Variants in ZSWIM8 observed in about 807,000 individuals in gnomAD.
ZSWIM8 encodes the protein zinc finger SWIM domain-containing protein 8.
Under a neutral mutation model 173.7 loss-of-function variants are expected in ZSWIM8, and 27 were observed. That is an observed-to-expected ratio of 0.16 (90% confidence interval 0.11 to 0.21). The LOEUF (loss-of-function observed/expected upper bound fraction) is 0.21. Among genes scored for constraint, ZSWIM8 ranks in the 10% least tolerant of loss-of-function variants. The probability of loss-of-function intolerance (pLI) is 1.00; values close to 1 mark genes in which losing one functional copy is unlikely to be tolerated. For missense variants in ZSWIM8, 1,627 were observed against 2,428.8 expected (o/e 0.67, Z 6.94); for synonymous variants, 958 against 962.0 (o/e 1.00, Z 0.08).
intron 10 of ZSWIM8, 96 bp from the exon 11 acceptor site, chr10:73,793,492 C>G (rs1007872566): frequency 1.2e-4 from 172 of 1,403,348 alleles, no homozygotes; most frequent in Non-Finnish European, 1.6e-4. Context: ...TGGCATGTAG[C>G]AAGTGTTCAA....
chr10:73,789,312 G>A lies in ZSWIM8; in HGVS notation c.458-55G>A. Reference sequence around the variant, plus strand: ...GAATAACTGCAGGGCCAGGGTCAAGGGCAGAGACCCAGGTCCTGACAGCAC... The same window carrying A: ...GAATAACTGCAGGGCCAGGGTCAAGAGCAGAGACCCAGGTCCTGACAGCAC... On this transcript the variant is annotated intron_variant, in intron 3 of 25. Transcript: ENST00000604729. This position sits in a 1 kb window ranked among gnomAD's most constrained non-coding sequence, Gnocchi z 6.8. 6.4e-7 allele frequency: 1 copy of A among 1,568,894 alleles called. No individual in the cohort carries two copies. The highest frequency in any genetic ancestry group is 8.7e-7 in the Non-Finnish European group (1 of 1,155,256).
chr10:73,790,331 G>A (rs2083373060), intron 7 of ZSWIM8, 39 bp downstream of exon 7: 1 of 1,559,628 alleles, frequency 6.4e-7, no homozygotes, highest in Non-Finnish European at 8.7e-7. Flanking sequence ...TGTGGTGGAG[G>A]GGGAGCGTCC....
In ZSWIM8 at chr10:73,801,228, C is replaced by G. The variant is rs185143919; in HGVS notation, c.5301+33C>G. On this transcript the variant is annotated intron_variant, in intron 25 of 25. Transcript: ENST00000604729. This position sits in a 1 kb window ranked among gnomAD's most constrained non-coding sequence, Gnocchi z 4.9. ...CCTAGAATTATGGAGCAGGGTGGAGCACTTCCTGGGTGGTCTTGGACCAGA... is the reference window on the plus strand; with the variant it reads ...CCTAGAATTATGGAGCAGGGTGGAGGACTTCCTGGGTGGTCTTGGACCAGA... 181 of 1,601,212 alleles carry G rather than the reference C, an allele frequency of 1.1e-4. 3 individuals are homozygous for G. In the East Asian group the frequency reaches 3.6e-3, roughly 32 times the overall value.
At position 73,796,607 on chromosome 10, in the gene ZSWIM8, T is replaced by C. The variant is rs2132758690; in HGVS notation, c.3034-167T>C. The stretch of plus-strand genomic sequence containing the variant: ...CAAGATATGTTGGGGTTAAATAAGT[T>C]ACAAAAAGACATGTAAACCAGGAGG... On this transcript the variant is annotated intron_variant, in intron 15 of 25. Transcript: ENST00000604729. 3 of 895,356 alleles carry C rather than the reference T, an allele frequency of 3.4e-6. No individual in the cohort carries two copies. The East Asian group carries it at 8.0e-5, about 24-fold the overall frequency. The allele number at this position is 895,356 out of a possible 1,614,324, so 55.5% of individuals were successfully genotyped here.
At position 73,799,908 on chromosome 10, in the gene ZSWIM8, A is replaced by G. The variant is rs948575796; in HGVS notation, c.4666-103A>G. The G allele has an allele frequency of 1.3e-5, 16 of 1,250,686 alleles. No individual in the cohort carries two copies. In the Middle Eastern group the frequency reaches 5.8e-4, roughly 45 times the overall value. 77.5% of individuals were successfully genotyped at this position (1,250,686 alleles called of 1,614,324 possible). ...AGCCTGGAGGACAGAGCGAGACTCT[A>G]TCTCAAAAAAAACATGTCAGGATAG... On this transcript the variant is annotated intron_variant, in intron 21 of 25. Transcript: ENST00000604729.
chr10:73,800,211 C>G lies in ZSWIM8; in HGVS notation c.4825+41C>G, dbSNP rs1326902282. On this transcript the variant is annotated intron_variant, in intron 22 of 25. Transcript: ENST00000604729. This position sits in a 1 kb window ranked among gnomAD's most constrained non-coding sequence, Gnocchi z 4.1. The stretch of plus-strand genomic sequence containing the variant: ...AGGGAACAGGTGAATGGAGGGGAGG[C>G]ACACTGGGCAGGGGAGGTGGGGAGG... 2 of 1,612,570 alleles carry G rather than the reference C, an allele frequency of 1.2e-6. No individual in the cohort carries two copies. The highest frequency in any genetic ancestry group is 2.7e-5 in the African/African-American group (2 of 74,902).
intron 15 of ZSWIM8, among the ~76,000 whole-genome samples, chr10:73,796,143 G>T (rs943571900): frequency 2.6e-5 from 4 of 151,744 alleles, no homozygotes; most frequent in African/African-American, 7.3e-5. Flanking sequence ...CGGGAGGATC[G>T]TTTGAGACCA....
Position 73,797,991 on chromosome 10 carries a change from T to C in ZSWIM8, c.3873T>C (p.Leu1291=). ...ACCTTTGCGCCTTCGAGATTGGGCT[T>C]TATGCCCTTGGCCTGCACAACTTTG... The part of the protein sequence containing the change: ...NLHLCAFEIG[L]YALGLHNFVS... The change falls in exon 19 of 26, where the codon CTT becomes CTC. Residue 1291 remains leucine (L), a synonymous_variant. Coordinates refer to ENST00000604729, the MANE Select transcript of ZSWIM8 (RefSeq NM_001367799.1). The surrounding 1 kb of genome is among the most constrained non-coding windows in gnomAD (Gnocchi z 5.6). The C allele has an allele frequency of 1.2e-6, 2 of 1,614,062 alleles. No individual in the cohort carries two copies. The highest frequency in any genetic ancestry group is 1.7e-6 in the Non-Finnish European group (2 of 1,179,892).
Position 73,797,035 on chromosome 10 carries a change from AG to A in ZSWIM8, c.3274+27del. The A allele has an allele frequency of 6.2e-7, 1 of 1,609,660 alleles. No individual in the cohort carries two copies. Among genetic ancestry groups the A allele is most frequent in the Non-Finnish European group, 8.5e-7 (1 of 1,176,922 alleles). ...GCCTGGTGAGGTGGGGGCACTGGGC[AG>A]GGGGGATGAATGGTGTGGACCTATG... On this transcript the variant is annotated intron_variant, in intron 16 of 25. Coordinates refer to ENST00000604729, the MANE Select transcript of ZSWIM8 (RefSeq NM_001367799.1). This position sits in a 1 kb window ranked among gnomAD's most constrained non-coding sequence, Gnocchi z 5.6.
Position 73,785,746 on chromosome 10 carries a change from G to C in ZSWIM8, c.-133G>C. 1 of 937,668 alleles carries C rather than the reference G, an allele frequency of 1.1e-6. No individual in the cohort carries two copies. Among genetic ancestry groups the C allele is most frequent in the Non-Finnish European group, 1.6e-6 (1 of 615,968 alleles). The allele number at this position is 937,668 out of a possible 1,614,324, so 58.1% of individuals were successfully genotyped here. On this transcript the variant is annotated 5_prime_UTR_variant, in exon 1 of 26. Coordinates refer to ENST00000604729, the MANE Select transcript of ZSWIM8 (RefSeq NM_001367799.1). ...CAGGCCTGAGATTCTCGCCCGGCAC[G>C]GCCGCCCTGAGCGCCCCGGCCACCC...
At chr10:73,787,850 C>T (rs1006864910) in intron 1 of ZSWIM8, among the ~76,000 whole-genome samples, 1 of 151,970 alleles carries the variant, frequency 6.6e-6, no homozygotes, top group Non-Finnish European at 1.5e-5. Flanking sequence ...GAGACTTCAT[C>T]TCAAAATAAA....
At chr10:73,798,904 G>A in intron 20 of ZSWIM8, 98 bp from the exon 21 acceptor site, 1 of 1,478,394 alleles carries the variant, frequency 6.8e-7, no homozygotes, top group Non-Finnish European at 9.1e-7. Flanking sequence ...GATTCCCTGG[G>A]AATGAGACAG....
In ZSWIM8 at chr10:73,793,882, A is replaced by G. The variant is rs759635261; in HGVS notation, c.2463A>G (p.Val821=). The G allele has an allele frequency of 2.5e-5, 41 of 1,609,958 alleles. No homozygotes were observed. The highest frequency in any genetic ancestry group is 1.7e-5 in the Admixed American group (1 of 59,432). Residue 821 remains valine, a synonymous_variant, in exon 12 of 26, where the codon GTA becomes GTG. Transcript: ENST00000604729. ...CTTTCTAGGGCAAGAAGAACAAGGT[A>G]TCCACGAGCCGTCAGACCTGGGTGG... is the stretch of plus-strand genomic sequence containing the variant. ...PPPAKGKKNK[V]STSRQTWVAT...
Position 73,789,236 on chromosome 10 carries a change from C to T in ZSWIM8, c.457+46C>T. 1 of 1,610,976 alleles carries T rather than the reference C, an allele frequency of 6.2e-7. No homozygotes were observed. Among genetic ancestry groups the T allele is most frequent in the Admixed American group, 1.7e-5 (1 of 59,962 alleles). On this transcript the variant is annotated intron_variant, in intron 3 of 25. Transcript: ENST00000604729. This position sits in a 1 kb window ranked among gnomAD's most constrained non-coding sequence, Gnocchi z 6.8. The stretch of plus-strand genomic sequence containing the variant: ...TGTGGCACATCCTGCTCCTCCCATC[C>T]CCTGGCTTATGAAGTAAGAACACAC...
At position 73,791,620 on chromosome 10, in the gene ZSWIM8, C is replaced by T. The variant is rs1481649706; in HGVS notation, c.1319+121C>T. On this transcript the variant is annotated intron_variant, in intron 9 of 25. Coordinates refer to ENST00000604729, the MANE Select transcript of ZSWIM8 (RefSeq NM_001367799.1). This position sits in a 1 kb window ranked among gnomAD's most constrained non-coding sequence, Gnocchi z 6.0. ...TTTAGTCCTCGGGAAACGGGAGGTG[C>T]TGAGCACTGGTGTTAGCAGTGATTT... is the stretch of plus-strand genomic sequence containing the variant. The T allele has an allele frequency of 7.3e-6, 9 of 1,233,640 alleles. No individual in the cohort carries two copies. The highest frequency in any genetic ancestry group is 9.9e-6 in the Non-Finnish European group (9 of 913,232). The allele number at this position is 1,233,640 out of a possible 1,614,324, so 76.4% of individuals were successfully genotyped here.
rs1342533019 is a variant in ZSWIM8, at chr10:73,801,406, A to G, written c.5392A>G (p.Thr1798Ala). The G allele has an allele frequency of 3.7e-6, 6 of 1,613,806 alleles. No individual in the cohort carries two copies. The highest frequency in any genetic ancestry group is 5.1e-6 in the Non-Finnish European group (6 of 1,179,862). The change falls in exon 26 of 26, where the codon ACG (threonine) becomes GCG (alanine). Residue 1798 changes from threonine to alanine, a missense_variant. Transcript: ENST00000604729. This position sits in a 1 kb window ranked among gnomAD's most constrained non-coding sequence, Gnocchi z 4.9. ...IRSARSAFCL[T>A]PMGMMQFNDI... is the part of the protein sequence containing the mutation. ...GAGTGCCCGCAGCGCCTTCTGCCTG[A>G]CGCCCATGGGCATGATGCAGTTCAA...
In ZSWIM8 at chr10:73,801,388, C is replaced by T. The variant is rs761978062; in HGVS notation, c.5374C>T (p.Arg1792Cys). The T allele has an allele frequency of 4.3e-6, 7 of 1,613,972 alleles. No individual in the cohort carries two copies. Among genetic ancestry groups the T allele is most frequent in the Middle Eastern group, 1.6e-4 (1 of 6,062 alleles). Residue 1792 changes from arginine to cysteine, a missense_variant, in exon 26 of 26, where the codon CGC becomes TGC. By Grantham distance (180) the Arg-to-Cys change is radical. Coordinates refer to ENST00000604729, the MANE Select transcript of ZSWIM8 (RefSeq NM_001367799.1). The surrounding 1 kb of genome is among the most constrained non-coding windows in gnomAD (Gnocchi z 4.9). The part of the protein sequence containing the change: ...DDFVNAIRSA[R>C]SAFCLTPMGM... ...CTTTGTGAATGCGATCCGGAGTGCC[C>T]GCAGCGCCTTCTGCCTGACGCCCAT... is the stretch of plus-strand genomic sequence containing the variant.
intron 15 of ZSWIM8, 43 bp from the exon 16 acceptor site, chr10:73,796,731 T>C: frequency 6.2e-7 from 1 of 1,604,216 alleles, no homozygotes; most frequent in Non-Finnish European, 8.5e-7. Context: ...CTAAAGGGCA[T>C]CCTGTCACTG....
At chr10:73,799,581 T>C (rs2083826547) in intron 21 of ZSWIM8, 91 bp downstream of exon 21, 1 of 1,527,936 alleles carries the variant, frequency 6.5e-7, no homozygotes, top group East Asian at 2.4e-5. Context: ...GTATAATTGG[T>C]CAGTCGGAGA....
Sources: gnomAD v4.1 joint callset for allele counts (sites outside exome capture counted in the v4.1 genomes callset) on GRCh38, gnomAD v4.1.1 for gene constraint, Gnocchi (gnomAD v3.1) non-coding constraint, MANE v1.5 for transcripts, NCBI Gene and HGNC (gene_info 2026-07-23, HGNC 2026-07-21) for gene names.